The following UACA variants were observed in gnomAD, a reference collection of about 807,000 sequenced individuals.
UACA encodes nuclear membrane binding protein.
Under a neutral mutation model 160.5 loss-of-function variants are expected in UACA, and 112 were observed. The observed-to-expected ratio is 0.70, with a 90% CI of 0.60 to 0.82. UACA has a LOEUF of 0.82. UACA is among the 40% of genes least tolerant of loss of function. UACA has a pLI of 0.00. For synonymous variants in UACA, 557 were observed against 568.4 expected (o/e 0.98, Z 0.29); for missense variants, 1,574 against 1,614.6 (o/e 0.97, Z 0.43).
chr15:70,658,693 C>T (rs370690824), intron 18 of UACA, among the ~76,000 whole-genome samples: 3 of 152,018 alleles, frequency 2.0e-5, no homozygotes, highest in East Asian at 1.9e-4. Flanking sequence ...ATTAAAATAC[C>T]GCACCCCCTC....
intron 1 of UACA, among the ~76,000 whole-genome samples, chr15:70,737,474 T>C (rs1899404156): frequency 6.6e-6 from 1 of 152,046 alleles, no homozygotes; most frequent in Non-Finnish European, 1.5e-5. Context: ...TGGGAGACCA[T>C]GGTAGGTGGA....
intron 1 of UACA, among the ~76,000 whole-genome samples, chr15:70,700,312 T>TACACACACAC (rs1898304067): frequency 7.0e-6 from 1 of 143,680 alleles, no homozygotes; most frequent in African/African-American, 2.8e-5. Flanking sequence ...TATATATATA[T>TACACACACAC]ATATATACAC....
At chr15:70,659,477 C>A (rs1749386000) in intron 18 of UACA, among the ~76,000 whole-genome samples, 2 of 122,468 alleles carry the variant, frequency 1.6e-5, no homozygotes, top group South Asian at 5.7e-4. Context: ...TTCCCAGGAT[C>A]TCTGTCATTC....
chr15:70,677,967 A>C, intron 11 of UACA, 132 bp downstream of exon 11: 1 of 605,910 alleles, frequency 1.7e-6, no homozygotes, highest in Non-Finnish European at 2.8e-6. Context: ...TCATGTAAAA[A>C]TCCTGGTCCC....
chr15:70,738,597 C>T (rs1003018404), intron 1 of UACA, among the ~76,000 whole-genome samples: 1 of 152,106 alleles, frequency 6.6e-6, no homozygotes, highest in Non-Finnish European at 1.5e-5. Flanking sequence ...CTCTTGCTCA[C>T]TTTAATTTTC....
At position 70,695,108 on chromosome 15, in the gene UACA, A is replaced by C. The variant is rs1262519254; in HGVS notation, c.213-3T>G. ...CCTTTGAGGTCACAACATGGAAGCT[A>C]AACAAAAAAAAAATATTTGTTGTGC... On this transcript the variant is annotated splice_region_variant and splice_polypyrimidine_tract_variant and intron_variant, in intron 2 of 18. Coordinates refer to ENST00000322954, the MANE Select transcript of UACA (RefSeq NM_018003.4). The C allele has an allele frequency of 8.2e-6, 13 of 1,586,460 alleles. No individual in the cohort carries two copies. The highest frequency in any genetic ancestry group is 1.1e-5 in the Non-Finnish European group (13 of 1,167,350).
At chr15:70,723,696 G>A (rs1246637717) in intron 1 of UACA, among the ~76,000 whole-genome samples, 1 of 150,104 alleles carries the variant, frequency 6.7e-6, no homozygotes, top group African/African-American at 2.5e-5. Context: ...CCAGTGGCGT[G>A]ATCTCGGCTC....
chr15:70,745,365 G>A (rs1229315003), intron 1 of UACA, among the ~76,000 whole-genome samples: 1 of 151,812 alleles, frequency 6.6e-6, no homozygotes, highest in African/African-American at 2.4e-5. Flanking sequence ...AACCCGGGAG[G>A]CGGAGCTTGC....
At chr15:70,717,238 T>C (rs1415940271) in intron 1 of UACA, among the ~76,000 whole-genome samples, 3 of 152,002 alleles carry the variant, frequency 2.0e-5, no homozygotes, top group Non-Finnish European at 4.4e-5. Context: ...AAACAAACAA[T>C]GAAACACTGC....
chr15:70,689,870 T>C (rs1056329421), intron 5 of UACA, among the ~76,000 whole-genome samples: 2 of 152,258 alleles, frequency 1.3e-5, no homozygotes, highest in Admixed American at 1.3e-4. Flanking sequence ...TCTTTTAAAA[T>C]ATAGCACATT....
At chr15:70,761,807 T>C (rs1250704873) in intron 1 of UACA, among the ~76,000 whole-genome samples, 2 of 152,232 alleles carry the variant, frequency 1.3e-5, no homozygotes, top group Admixed American at 1.3e-4. Flanking sequence ...CAAACTATCA[T>C]GCTGATAATA....
chr15:70,766,490 G>C (rs192717118), upstream of UACA, among the ~76,000 whole-genome samples: 17 of 151,622 alleles, frequency 1.1e-4, no homozygotes, highest in Admixed American at 7.9e-4. Flanking sequence ...ATACCAGGAA[G>C]GGTAATGCAT....
intron 1 of UACA, among the ~76,000 whole-genome samples, chr15:70,727,427 C>T (rs1899182711): frequency 1.3e-5 from 2 of 152,032 alleles, no homozygotes; most frequent in Non-Finnish European, 2.9e-5. Flanking sequence ...AAAAATAGTT[C>T]ACTTTAAAAT....
Position 70,729,522 on chromosome 15 carries a change from G to A in UACA, c.79-29862C>T, listed in dbSNP as rs181023835. ...ACATAAAGATGGGAACAACCCTTCCGCCGCCTGTGAAGGGACCCACCGAGC... is the reference window on the plus strand; with the variant it reads ...ACATAAAGATGGGAACAACCCTTCCACCGCCTGTGAAGGGACCCACCGAGC... On this transcript the variant is annotated intron_variant, in intron 1 of 18. Coordinates refer to ENST00000322954, the MANE Select transcript of UACA (RefSeq NM_018003.4). 7.7e-5 allele frequency among the ~76,000 whole-genome samples: 8 copies of A among 104,076 alleles called. No homozygotes were observed. In the East Asian group the frequency reaches 1.2e-3, roughly 15 times the overall value. 68.3% of individuals were successfully genotyped at this position (104,076 alleles called of 152,430 possible).
upstream of UACA, among the ~76,000 whole-genome samples, chr15:70,765,834 A>G (rs1029270774): frequency 6.6e-6 from 1 of 152,198 alleles, no homozygotes; most frequent in African/African-American, 2.4e-5. Flanking sequence ...TGGGCTTAAG[A>G]TAAGCACCCA....
At chr15:70,724,195 T>C (rs1181255271) in intron 1 of UACA, among the ~76,000 whole-genome samples, 3 of 152,194 alleles carry the variant, frequency 2.0e-5, no homozygotes, top group Non-Finnish European at 4.4e-5. Context: ...CTGAATAAAC[T>C]GAAATTAACA....
At chr15:70,697,840 C>A (rs577722558) in intron 2 of UACA, among the ~76,000 whole-genome samples, 1 of 152,228 alleles carries the variant, frequency 6.6e-6, no homozygotes, top group African/African-American at 2.4e-5. Context: ...CACCAGAGGT[C>A]GGGAGTCCAA....
chr15:70,753,699 A>G (rs2030230355), intron 1 of UACA, among the ~76,000 whole-genome samples: 1 of 152,250 alleles, frequency 6.6e-6, no homozygotes, highest in African/African-American at 2.4e-5. Context: ...GGCTATCAGC[A>G]CATGGATTTC....
intron 1 of UACA, among the ~76,000 whole-genome samples, chr15:70,746,677 T>C (rs556318270): frequency 6.6e-6 from 1 of 152,274 alleles, no homozygotes; most frequent in South Asian, 2.1e-4. Context: ...TAAAGACACA[T>C]GCACACATAT....
Sources: allele counts gnomAD v4.1 joint callset (sites outside exome capture counted in the v4.1 genomes callset), GRCh38; gene constraint gnomAD v4.1.1; transcripts MANE v1.5; gene names NCBI Gene and HGNC (gene_info 2026-07-23, HGNC 2026-07-21).